MAGI2: variants seen among roughly 807,000 people sequenced by gnomAD.
MAGI2 encodes membrane associated guanylate kinase, WW and PDZ domain containing 2, also known as membrane-associated guanylate kinase, WW and PDZ domain-containing protein 2.
A neutral mutation model predicts 133.3 loss-of-function variants in MAGI2; 35 were observed. The ratio of observed to expected loss-of-function variants is 0.26; its 90% CI spans 0.20 to 0.35. MAGI2 has a LOEUF of 0.35. Ranked by LOEUF, MAGI2 falls within the 10% of genes least tolerant of loss-of-function variation. MAGI2 has a pLI of 1.00. For synonymous variants in MAGI2, 729 were observed against 710.6 expected (o/e 1.03, Z -0.41); for missense variants, 1,636 against 1,863.4 (o/e 0.88, Z 2.25).
chr7:79,019,919 GC>G, intron 1 of MAGI2, among the ~76,000 whole-genome samples: 1 of 152,278 alleles, frequency 6.6e-6, no homozygotes, highest in East Asian at 1.9e-4. Context: ...GTGGGGTGCT[GC>G]TGTAAAGATA....
chr7:78,409,114 A>G (rs917739700), intron 6 of MAGI2, among the ~76,000 whole-genome samples: 2 of 152,070 alleles, frequency 1.3e-5, no homozygotes, highest in Non-Finnish European at 2.9e-5. Context: ...GTGGGTTTGC[A>G]TAGCACCTTT....
chr7:78,153,200 G>A (rs1824059866), intron 16 of MAGI2, among the ~76,000 whole-genome samples: 3 of 152,184 alleles, frequency 2.0e-5, no homozygotes, highest in South Asian at 2.1e-4. Context: ...ATGGAGGTTT[G>A]AAGAAAATTC....
chr7:78,501,765 T>G lies in MAGI2; in HGVS notation c.777A>C (p.Lys259Asn). Residue 259 changes from lysine (K) to asparagine (N), a missense_variant, in exon 5 of 22, where the codon AAA (lysine) becomes AAC (asparagine). Lys to Asn is a moderately conservative substitution (Grantham distance 94). Around this residue, in one of 5 missense-constraint regions of MAGI2, gnomAD observed 165 missense variants for 128.4 expected, o/e 1.28. Coordinates refer to ENST00000354212, the MANE Select transcript of MAGI2 (RefSeq NM_012301.4). ...VTPESSEHED[K>N]SAGASGEMPS... ...GCATCTCCCCTGAGGCACCTGCACT[T>G]TTGTCTTCATGTTCACTGGATTCTA... 1 of 1,613,770 alleles carries G rather than the reference T, an allele frequency of 6.2e-7. No homozygotes were observed. The highest frequency in any genetic ancestry group is 8.5e-7 in the Non-Finnish European group (1 of 1,179,984).
At chr7:78,597,551 G>T (rs1804743145) in intron 3 of MAGI2, among the ~76,000 whole-genome samples, 1 of 151,990 alleles carries the variant, frequency 6.6e-6, no homozygotes, top group Non-Finnish European at 1.5e-5. Flanking sequence ...CCCAGGCAAT[G>T]AAACAAGAAA....
chr7:78,415,059 C>T (rs1041245619), intron 6 of MAGI2, among the ~76,000 whole-genome samples: 4 of 152,038 alleles, frequency 2.6e-5, no homozygotes, highest in Non-Finnish European at 5.9e-5. Flanking sequence ...ATGAAACTAC[C>T]TATCAGTCTT....
At chr7:78,959,755 T>C (rs189961863) in intron 2 of MAGI2, among the ~76,000 whole-genome samples, 81 of 152,272 alleles carry the variant, frequency 5.3e-4, no homozygotes, top group African/African-American at 1.7e-3. Context: ...CCATAAATTG[T>C]TATGGCTATT....
chr7:79,198,413 G>GA (rs925415709), intron 1 of MAGI2, among the ~76,000 whole-genome samples: 24 of 147,744 alleles, frequency 1.6e-4, no homozygotes, highest in African/African-American at 2.2e-4. Context: ...TGATATGACT[G>GA]AAAAAAAAAA....
At chr7:78,553,989 T>C (rs945104286) in intron 3 of MAGI2, among the ~76,000 whole-genome samples, 2 of 152,202 alleles carry the variant, frequency 1.3e-5, no homozygotes, top group African/African-American at 4.8e-5. Context: ...GTCTGCTCCA[T>C]AAAATCTGTT....
chr7:79,241,843 T>C (rs1164884810), intron 1 of MAGI2, among the ~76,000 whole-genome samples: 2 of 152,198 alleles, frequency 1.3e-5, no homozygotes, highest in East Asian at 3.9e-4. Flanking sequence ...TGACTCCACC[T>C]GGATTTGTGC....
intron 1 of MAGI2, among the ~76,000 whole-genome samples, chr7:79,385,983 A>T (rs1015679007): frequency 6.6e-6 from 1 of 151,984 alleles, no homozygotes; most frequent in South Asian, 2.1e-4. Context: ...TTTAAAAGAC[A>T]CTTTATCATC....
At chr7:78,882,026 T>C (rs914709829) in intron 2 of MAGI2, among the ~76,000 whole-genome samples, 1 of 136,498 alleles carries the variant, frequency 7.3e-6, no homozygotes, top group African/African-American at 2.8e-5. Flanking sequence ...AAAAGTTGAT[T>C]CTTTGAAAAG....
chr7:78,144,334 G>A (rs1011119531), intron 16 of MAGI2, among the ~76,000 whole-genome samples: 4 of 151,978 alleles, frequency 2.6e-5, no homozygotes, highest in Admixed American at 2.0e-4. Context: ...TTTTATCAAT[G>A]TTAGTCAATA....
In MAGI2 at chr7:78,657,878, G is replaced by T. The variant is rs10273265; in HGVS notation, c.419-30639C>A. Among the ~76,000 whole-genome samples the T allele has an allele frequency of 5.2e-3, 796 of 152,188 alleles. 7 individuals carry two copies. The highest frequency in any genetic ancestry group is 0.018 in the African/African-American group (753 of 41,522). ...CCTCCAGTGGGTGACGTTAATCATG[G>T]TGGAGGGCTATGCATATATGAAGGT... is the stretch of plus-strand genomic sequence containing the variant. On this transcript the variant is annotated intron_variant, in intron 2 of 21. Coordinates refer to ENST00000354212, the MANE Select transcript of MAGI2 (RefSeq NM_012301.4).
intron 2 of MAGI2, among the ~76,000 whole-genome samples, chr7:78,726,003 T>A (rs542165677): frequency 6.6e-6 from 1 of 152,294 alleles, no homozygotes; most frequent in South Asian, 2.1e-4. Flanking sequence ...TCAAAAAAAA[T>A]GTTAAATTGA....
At chr7:78,191,699 A>G (rs1828227957) in intron 12 of MAGI2, among the ~76,000 whole-genome samples, 1 of 152,124 alleles carries the variant, frequency 6.6e-6, no homozygotes, top group African/African-American at 2.4e-5. Context: ...CTCCATTCCC[A>G]GCTCATCTTG....
intron 2 of MAGI2, among the ~76,000 whole-genome samples, chr7:78,759,991 T>C (rs1417803837): frequency 1.3e-5 from 2 of 152,146 alleles, no homozygotes; most frequent in Non-Finnish European, 2.9e-5. Flanking sequence ...GGCATGTGCC[T>C]GTAATCCCAG....
chr7:78,783,116 G>C (rs1342776088), intron 2 of MAGI2, among the ~76,000 whole-genome samples: 1 of 142,754 alleles, frequency 7.0e-6, no homozygotes, highest in African/African-American at 2.6e-5. Context: ...ATTCCCCACA[G>C]CACGTAGCAG....
chr7:78,420,833 T>C (rs1404956639), intron 6 of MAGI2, among the ~76,000 whole-genome samples: 1 of 152,184 alleles, frequency 6.6e-6, no homozygotes, highest in African/African-American at 2.4e-5. Flanking sequence ...TGAGAAATGA[T>C]TGTAAACCGT....
rs182532631 is a variant in MAGI2, at chr7:78,690,307, A to G, written c.419-63068T>C. On this transcript the variant is annotated intron_variant, in intron 2 of 21. Transcript: ENST00000354212. The stretch of plus-strand genomic sequence containing the variant: ...TGAGGCGGGAGTGAATCGTACATGT[A>G]AATCACAGAGCAGCATATGAGTTTC... Among the ~76,000 whole-genome samples the G allele has an allele frequency of 1.9e-3, 284 of 152,312 alleles. 2 individuals are homozygous for G. Among genetic ancestry groups the G allele is most frequent in the African/African-American group, 6.6e-3 (273 of 41,566 alleles).
Sources: gnomAD v4.1 joint callset for allele counts (sites outside exome capture counted in the v4.1 genomes callset) on GRCh38, gnomAD v4.1.1 for gene constraint, gnomAD v4.1.1 regional missense constraint, MANE v1.5 for transcripts, NCBI Gene and HGNC (gene_info 2026-07-23, HGNC 2026-07-21) for gene names.